SLC27A6: variants seen among roughly 807,000 people sequenced by gnomAD.
SLC27A6 encodes long-chain fatty acid transport protein 6.
Under a neutral mutation model 63.9 loss-of-function variants are expected in SLC27A6, and 74 were observed. The observed-to-expected ratio is 1.16, with a 90% CI of 0.96 to 1.40. The LOEUF (loss-of-function observed/expected upper bound fraction) is 1.40. Among genes scored for constraint, SLC27A6 ranks in the 40% most tolerant of loss-of-function variants. The probability of loss-of-function intolerance (pLI) is 0.00; values close to 1 mark genes in which losing one functional copy is unlikely to be tolerated. For missense variants in SLC27A6, 794 were observed against 732.9 expected (o/e 1.08, Z -0.96); for synonymous variants, 287 against 260.8 (o/e 1.10, Z -0.97).
chr5:128,993,450 A>G (rs886876879), intron 4 of SLC27A6, among the ~76,000 whole-genome samples: 1 of 76,026 alleles, frequency 1.3e-5, no homozygotes, highest in South Asian at 4.2e-4. Context: ...TTATAATTTT[A>G]TAGACTAGAA....
intron 1 of SLC27A6, 35 bp from the exon 2 acceptor site, chr5:128,985,098 G>A: frequency 5.3e-6 from 8 of 1,504,946 alleles, no homozygotes; most frequent in Non-Finnish European, 7.3e-6. Context: ...GAGATTTAAG[G>A]TTTGCTTAAC....
Position 129,009,465 on chromosome 5 carries a change from T to C in SLC27A6, c.970-6420T>C, listed in dbSNP as rs913815509. Among the ~76,000 whole-genome samples the C allele has an allele frequency of 1.1e-3, 162 of 152,322 alleles. 1 individual carries two copies. The highest frequency in any genetic ancestry group is 3.6e-3 in the African/African-American group (151 of 41,578). On this transcript the variant is annotated intron_variant, in intron 4 of 9. Coordinates refer to ENST00000262462, the MANE Select transcript of SLC27A6 (RefSeq NM_001017372.3). ...ATAAAATTATGATAGTTTAAAAATA[T>C]GTTTATAACCAGTTTTTAAAGTATT...
intron 2 of SLC27A6, among the ~76,000 whole-genome samples, chr5:128,986,279 T>C (rs1487989081): frequency 6.6e-6 from 1 of 152,150 alleles, no homozygotes. Flanking sequence ...ACCTCTGCAC[T>C]CCAGCCTGGG....
chr5:128,965,954 C>T lies in SLC27A6; in HGVS notation c.-184C>T. 1.6e-6 allele frequency: 1 copy of T among 637,052 alleles called. No individual in the cohort carries two copies. 39.5% of individuals were successfully genotyped at this position (637,052 alleles called of 1,614,324 possible). Reference sequence around the variant, plus strand: ...ACCACTTGGGGCGACCTTTTCGGTGCAAACCTACGATTCTGTTTCTCAGGA... The same window carrying T: ...ACCACTTGGGGCGACCTTTTCGGTGTAAACCTACGATTCTGTTTCTCAGGA... On this transcript the variant is annotated 5_prime_UTR_variant, in exon 1 of 10. Coordinates refer to ENST00000262462, the MANE Select transcript of SLC27A6 (RefSeq NM_001017372.3).
intron 8 of SLC27A6, among the ~76,000 whole-genome samples, chr5:129,028,887 G>A (rs1305155870): frequency 1.3e-5 from 2 of 151,920 alleles, no homozygotes; most frequent in African/African-American, 4.8e-5. Flanking sequence ...TTATAGTTAT[G>A]CATATGAGGA....
chr5:129,008,750 T>G (rs1246707287), intron 4 of SLC27A6, among the ~76,000 whole-genome samples: 2 of 152,180 alleles, frequency 1.3e-5, no homozygotes, highest in African/African-American at 4.8e-5. Context: ...GATGGAGTCT[T>G]TTCTCCATTT....
At position 129,033,295 on chromosome 5, in the gene SLC27A6, T is replaced by C. The variant is rs1561636793; in HGVS notation, c.*13T>C. On this transcript the variant is annotated 3_prime_UTR_variant, in exon 10 of 10. Transcript: ENST00000262462. ...AATAAAACTTTAAGATTTTTATATCTAGAACTTTCATATGCTTTCTTAGGA... is the reference window on the plus strand; with the variant it reads ...AATAAAACTTTAAGATTTTTATATCCAGAACTTTCATATGCTTTCTTAGGA... The C allele has an allele frequency of 1.3e-5, 19 of 1,491,208 alleles. No homozygotes were observed. The highest frequency in any genetic ancestry group is 1.6e-5 in the Non-Finnish European group (17 of 1,096,748). The allele number at this position is 1,491,208 out of a possible 1,614,324, so 92.4% of individuals were successfully genotyped here. A position where few individuals can be genotyped will look rare whatever the true frequency, so the allele number is the denominator to read the frequency against.
chr5:129,011,630 A>G (rs186232818), intron 4 of SLC27A6, among the ~76,000 whole-genome samples: 1 of 152,270 alleles, frequency 6.6e-6, no homozygotes, highest in East Asian at 1.9e-4. Context: ...CATGTCCACA[A>G]CAGTTCCCTC....
At chr5:129,029,768 T>G in intron 9 of SLC27A6, 61 bp downstream of exon 9, 1 of 1,422,210 alleles carries the variant, frequency 7.0e-7, no homozygotes, top group Non-Finnish European at 9.7e-7. Flanking sequence ...AGTAGTTTAA[T>G]TGCAAAATAA....
At chr5:129,025,854 G>A (rs961392509) in intron 6 of SLC27A6, among the ~76,000 whole-genome samples, 1 of 152,126 alleles carries the variant, frequency 6.6e-6, no homozygotes, top group African/African-American at 2.4e-5. Context: ...AAAGACTGTT[G>A]GCTGGGTGCG....
At chr5:129,023,025 T>C (rs868223254) in intron 5 of SLC27A6, among the ~76,000 whole-genome samples, 2 of 152,048 alleles carry the variant, frequency 1.3e-5, no homozygotes, top group South Asian at 2.1e-4. Context: ...ATTTATCATC[T>C]CACACCAAAA....
At chr5:129,009,300 T>G (rs1580734147) in intron 4 of SLC27A6, among the ~76,000 whole-genome samples, 2 of 152,238 alleles carry the variant, frequency 1.3e-5, no homozygotes, top group East Asian at 3.9e-4. Context: ...AGGACATTTT[T>G]AGTTATTACT....
intron 4 of SLC27A6, among the ~76,000 whole-genome samples, chr5:129,009,653 A>G (rs1006509366): frequency 6.9e-6 from 1 of 145,630 alleles, no homozygotes; most frequent in East Asian, 2.1e-4. Context: ...CAAACTCCCC[A>G]TCATAGCTAA....
chr5:128,976,455 A>G (rs574317787), intron 1 of SLC27A6, among the ~76,000 whole-genome samples: 25 of 152,232 alleles, frequency 1.6e-4, no homozygotes, highest in African/African-American at 6.0e-4. Context: ...CGGAGTTTGC[A>G]GTGAGCTGAG....
chr5:128,967,995 A>G (rs1430451453), intron 1 of SLC27A6, among the ~76,000 whole-genome samples: 2 of 151,732 alleles, frequency 1.3e-5, no homozygotes, highest in Non-Finnish European at 2.9e-5. Flanking sequence ...CCCACCTATG[A>G]GTGAGAACAT....
At chr5:128,988,808 G>A in intron 3 of SLC27A6, 50 bp downstream of exon 3, 6 of 1,421,614 alleles carry the variant, frequency 4.2e-6, no homozygotes, top group Non-Finnish European at 5.8e-6. Flanking sequence ...CTAATAATTA[G>A]AACAAGTATT....
chr5:129,002,389 T>C (rs936033408), intron 4 of SLC27A6, among the ~76,000 whole-genome samples: 5 of 152,146 alleles, frequency 3.3e-5, no homozygotes. Flanking sequence ...GATCGGTAAA[T>C]AGAGCATGGG....
At chr5:128,983,812 G>T (rs183452167) in intron 1 of SLC27A6, among the ~76,000 whole-genome samples, 1 of 152,242 alleles carries the variant, frequency 6.6e-6, no homozygotes, top group Admixed American at 6.5e-5. Flanking sequence ...TTTTCTCACA[G>T]TTCTGGGGGC....
chr5:128,984,639 C>A (rs1750724665), intron 1 of SLC27A6, among the ~76,000 whole-genome samples: 1 of 152,202 alleles, frequency 6.6e-6, no homozygotes, highest in Non-Finnish European at 1.5e-5. Context: ...ACTCACTTAA[C>A]TTCTGGCTTT....
Sources: allele counts gnomAD v4.1 joint callset (sites outside exome capture counted in the v4.1 genomes callset), GRCh38; gene constraint gnomAD v4.1.1; transcripts MANE v1.5; gene names NCBI Gene and HGNC (gene_info 2026-07-23, HGNC 2026-07-21).